Variants in SNTG1 observed in about 807,000 individuals in gnomAD.
SNTG1 encodes the protein syntrophin gamma 1.
SNTG1 carries 39 observed loss-of-function variants against 74.7 expected under a neutral mutation model. The observed-to-expected ratio is 0.52, with a 90% CI of 0.40 to 0.68. SNTG1 has a LOEUF of 0.68. SNTG1 is among the 30% of genes least tolerant of loss of function. The probability of loss-of-function intolerance (pLI) is 0.00; values close to 1 mark genes in which losing one functional copy is unlikely to be tolerated. For missense variants in SNTG1, 685 were observed against 609.5 expected, an observed-to-expected ratio of 1.12 and a Z score of -1.30; for synonymous variants, 254 against 217.1, an observed-to-expected ratio of 1.17 and a Z score of -1.49.
At chr8:50,217,330 T>G (rs930701023) in intron 2 of SNTG1, among the ~76,000 whole-genome samples, 4 of 152,050 alleles carry the variant, frequency 2.6e-5, no homozygotes, top group Admixed American at 6.6e-5. Context: ...GGGGAGTCAT[T>G]TTTTTCAATC....
At chr8:50,746,346 T>A (rs983947525) in intron 17 of SNTG1, among the ~76,000 whole-genome samples, 1 of 151,940 alleles carries the variant, frequency 6.6e-6, no homozygotes, top group African/African-American at 2.4e-5. Flanking sequence ...TCAAATCACA[T>A]GCCTTAAATG....
At chr8:50,517,128 G>A (rs1399209619) in intron 9 of SNTG1, among the ~76,000 whole-genome samples, 1 of 152,144 alleles carries the variant, frequency 6.6e-6, no homozygotes, top group Non-Finnish European at 1.5e-5. Flanking sequence ...AGAAGAGAGT[G>A]GGGGCTAATA....
chr8:49,979,648 G>A (rs1307046081), intron 1 of SNTG1, among the ~76,000 whole-genome samples: 1 of 152,146 alleles, frequency 6.6e-6, no homozygotes, highest in Non-Finnish European at 1.5e-5. Flanking sequence ...TAGGGCCATT[G>A]CATCTTGGTT....
chr8:50,446,708 A>G (rs1260226602), intron 5 of SNTG1, among the ~76,000 whole-genome samples: 1 of 152,044 alleles, frequency 6.6e-6, no homozygotes, highest in African/African-American at 2.4e-5. Flanking sequence ...AAAACCAAAA[A>G]CCATGTTTGG....
chr8:50,253,459 G>A (rs1431661205), intron 2 of SNTG1, among the ~76,000 whole-genome samples: 1 of 147,342 alleles, frequency 6.8e-6, no homozygotes, highest in South Asian at 2.2e-4. Context: ...TAAAGGTAGA[G>A]CTACCATATG....
intron 18 of SNTG1, among the ~76,000 whole-genome samples, chr8:50,779,880 A>G (rs1168420601): frequency 6.6e-6 from 1 of 150,522 alleles, no homozygotes; most frequent in Non-Finnish European, 1.5e-5. Context: ...ATGTCCCATC[A>G]ATACCTAATT....
chr8:50,491,547 G>C (rs533667013), intron 8 of SNTG1: 1 of 152,190 alleles, frequency 6.6e-6, no homozygotes, highest in African/African-American at 2.4e-5. Context: ...CGGAGCTGGC[G>C]GTCAGCAGCC....
intron 18 of SNTG1, among the ~76,000 whole-genome samples, chr8:50,765,836 G>A (rs2095612258): frequency 1.3e-5 from 2 of 151,748 alleles, no homozygotes; most frequent in South Asian, 2.1e-4. Flanking sequence ...TGTTATGTAG[G>A]CTTATTTTGT....
chr8:50,601,195 G>A (rs1445209341), intron 13 of SNTG1, among the ~76,000 whole-genome samples: 5 of 122,916 alleles, frequency 4.1e-5, no homozygotes, highest in South Asian at 4.9e-4. Context: ...GACATGTTAG[G>A]CTATTAAGCT....
At chr8:50,307,403 T>C (rs890500928) in intron 2 of SNTG1, among the ~76,000 whole-genome samples, 2 of 152,038 alleles carry the variant, frequency 1.3e-5, no homozygotes, top group African/African-American at 2.4e-5. Context: ...GGACTATATG[T>C]AGTGGTATTG....
intron 1 of SNTG1, among the ~76,000 whole-genome samples, chr8:50,002,699 C>G (rs1219435264): frequency 6.6e-6 from 1 of 151,934 alleles, no homozygotes; most frequent in Non-Finnish European, 1.5e-5. Flanking sequence ...TGCATAATAA[C>G]AGAATAAAAG....
intron 5 of SNTG1, among the ~76,000 whole-genome samples, chr8:50,438,961 T>C (rs1415715470): frequency 2.0e-5 from 3 of 152,142 alleles, no homozygotes; most frequent in Non-Finnish European, 4.4e-5. Context: ...TTCACACTAA[T>C]AAAGCCCAAT....
At chr8:50,058,059 G>GA (rs999050602) in intron 1 of SNTG1, among the ~76,000 whole-genome samples, 2 of 152,030 alleles carry the variant, frequency 1.3e-5, no homozygotes, top group Non-Finnish European at 2.9e-5. Context: ...TTCTATGGGT[G>GA]AAAAATCTAA....
intron 18 of SNTG1, among the ~76,000 whole-genome samples, chr8:50,753,202 G>T (rs1353927661): frequency 6.6e-6 from 1 of 151,676 alleles, no homozygotes; most frequent in African/African-American, 2.4e-5. Context: ...TCTCTGCACC[G>T]GCCCTTTCTC....
At chr8:50,241,031 G>A (rs949141379) in intron 2 of SNTG1, among the ~76,000 whole-genome samples, 1 of 152,154 alleles carries the variant, frequency 6.6e-6, no homozygotes, top group African/African-American at 2.4e-5. Flanking sequence ...TCTTTAGGGA[G>A]TTTATGAGGT....
At chr8:49,938,307 A>G (rs950452330) in intron 1 of SNTG1, among the ~76,000 whole-genome samples, 1 of 152,222 alleles carries the variant, frequency 6.6e-6, no homozygotes, top group Non-Finnish European at 1.5e-5. Flanking sequence ...TGTGCCAAGC[A>G]TTTTGCATGC....
At chr8:50,319,159 T>G (rs2090432241) in intron 2 of SNTG1, among the ~76,000 whole-genome samples, 1 of 152,116 alleles carries the variant, frequency 6.6e-6, no homozygotes, top group African/African-American at 2.4e-5. Context: ...ATTTAACGAT[T>G]TTTGGAAATG....
intron 13 of SNTG1, among the ~76,000 whole-genome samples, chr8:50,636,040 A>AT (rs1468603756): frequency 6.6e-6 from 1 of 151,824 alleles, no homozygotes; most frequent in African/African-American, 2.4e-5. Context: ...TCTTTAATGC[A>AT]GCAGGTTCTC....
intron 12 of SNTG1, among the ~76,000 whole-genome samples, chr8:50,573,151 A>T (rs2094558458): frequency 6.6e-6 from 1 of 152,120 alleles, no homozygotes; most frequent in Admixed American, 6.5e-5. Flanking sequence ...AGAAAAGAGG[A>T]ATATTTTTAA....
Sources: allele counts gnomAD v4.1 joint callset (sites outside exome capture counted in the v4.1 genomes callset), GRCh38; gene constraint gnomAD v4.1.1; transcripts MANE v1.5; gene names NCBI Gene and HGNC (gene_info 2026-07-23, HGNC 2026-07-21).